The following NPAS3 variants were observed in gnomAD, a reference collection of about 807,000 sequenced individuals.
NPAS3 encodes neuronal PAS domain-containing protein 3.
Under a neutral mutation model 73.1 loss-of-function variants are expected in NPAS3, and 14 were observed. That is an observed-to-expected ratio of 0.19 (90% CI 0.13 to 0.30). The LOEUF (loss-of-function observed/expected upper bound fraction) is 0.30, where lower values mean the gene tolerates loss of function less well. Among genes scored for constraint, NPAS3 ranks in the 10% least tolerant of loss-of-function variants. NPAS3 has a pLI of 1.00. For missense variants in NPAS3, 1,096 were observed against 1,250.0 expected (o/e 0.88, Z 1.86); for synonymous variants, 620 against 541.5 (o/e 1.14, Z -2.01).
intron 6 of NPAS3, among the ~76,000 whole-genome samples, chr14:33,687,952 C>A (rs1273385190): frequency 6.6e-6 from 1 of 152,208 alleles, no homozygotes; most frequent in Non-Finnish European, 1.5e-5. Context: ...CTAGGTAAAT[C>A]TATGTATCAG....
intron 2 of NPAS3, among the ~76,000 whole-genome samples, chr14:33,111,810 C>A (rs1441660320): frequency 3.3e-5 from 5 of 150,672 alleles, no homozygotes; most frequent in Non-Finnish European, 5.9e-5. Context: ...ATCCCTCCCC[C>A]CTCCCCCTTG....
intron 3 of NPAS3, among the ~76,000 whole-genome samples, chr14:33,267,375 G>A (rs990854796): frequency 1.2e-4 from 18 of 152,144 alleles, no homozygotes; most frequent in African/African-American, 4.3e-4. Context: ...TGAGGTAGCA[G>A]CACCAGCATT....
At chr14:33,526,086 T>C (rs563079804) in intron 4 of NPAS3, among the ~76,000 whole-genome samples, 1 of 152,248 alleles carries the variant, frequency 6.6e-6, no homozygotes, top group African/African-American at 2.4e-5. Flanking sequence ...GGCAAACAAT[T>C]TGACGTAATT....
At chr14:33,054,530 T>C (rs1566509244) in intron 1 of NPAS3, among the ~76,000 whole-genome samples, 1 of 152,102 alleles carries the variant, frequency 6.6e-6, no homozygotes, top group South Asian at 2.1e-4. Context: ...TTTGAAAGTA[T>C]TGTCACTTAA....
At chr14:32,944,570 C>G (rs946914830) in intron 1 of NPAS3, among the ~76,000 whole-genome samples, 8 of 152,058 alleles carry the variant, frequency 5.3e-5, no homozygotes, top group African/African-American at 1.9e-4. Flanking sequence ...TTTTTTCCCC[C>G]CTCATTGGTC....
chr14:33,212,092 A>G (rs969604062), intron 2 of NPAS3, among the ~76,000 whole-genome samples: 10 of 152,238 alleles, frequency 6.6e-5, no homozygotes, highest in African/African-American at 2.4e-4. Context: ...TCTTAATTCA[A>G]TGTGAGGATT....
intron 2 of NPAS3, among the ~76,000 whole-genome samples, chr14:33,147,457 C>G (rs2044273178): frequency 6.6e-6 from 1 of 151,586 alleles, no homozygotes; most frequent in South Asian, 2.1e-4. Flanking sequence ...AATAGTAAAC[C>G]ACAAATAGCC....
chr14:33,422,867 G>C (rs1293074081), intron 4 of NPAS3, among the ~76,000 whole-genome samples: 1 of 151,958 alleles, frequency 6.6e-6, no homozygotes, highest in Non-Finnish European at 1.5e-5. Flanking sequence ...CAGATGTATG[G>C]AGAGAAATGG....
intron 4 of NPAS3, among the ~76,000 whole-genome samples, chr14:33,425,190 G>A (rs552194478): frequency 1.6e-4 from 24 of 151,946 alleles, no homozygotes; most frequent in Non-Finnish European, 3.1e-4. Context: ...AAACATTTTT[G>A]GTGGAATGAA....
chr14:33,165,344 C>T (rs1354105299), intron 2 of NPAS3, among the ~76,000 whole-genome samples: 3 of 151,124 alleles, frequency 2.0e-5, no homozygotes, highest in South Asian at 2.1e-4. Context: ...AGGCTATCCT[C>T]GTATTATCAT....
chr14:32,972,597 AT>A (rs1295852384), intron 1 of NPAS3, among the ~76,000 whole-genome samples: 1 of 152,178 alleles, frequency 6.6e-6, no homozygotes, highest in Non-Finnish European at 1.5e-5. Context: ...AAAATGACCC[AT>A]GCTGAATCCA....
Position 33,647,569 on chromosome 14 carries a change from T to A in NPAS3, c.559-28642T>A, listed in dbSNP as rs60892865. ...CTCATTAACACCAATTGTTTCACCT[T>A]GAACCAATTTGATTTTAAATGCATG... On this transcript the variant is annotated intron_variant, in intron 5 of 11. Coordinates refer to ENST00000356141, the Ensembl canonical transcript of NPAS3. Among the ~76,000 whole-genome samples, 356 of 152,270 alleles carry A rather than the reference T, an allele frequency of 2.3e-3. 7 individuals carry two copies. In the East Asian group the frequency reaches 0.057, roughly 24 times the overall value.
chr14:33,623,842 T>C (rs1341879217), intron 5 of NPAS3, among the ~76,000 whole-genome samples: 1 of 152,222 alleles, frequency 6.6e-6, no homozygotes, highest in African/African-American at 2.4e-5. Flanking sequence ...TGTTCTTTAC[T>C]TGACTATCTG....
chr14:33,248,465 C>T (rs1198343850), intron 3 of NPAS3, among the ~76,000 whole-genome samples: 3 of 152,034 alleles, frequency 2.0e-5, no homozygotes, highest in Non-Finnish European at 4.4e-5. Flanking sequence ...CTTCTAATTC[C>T]CCATTCAGTA....
At chr14:33,613,771 A>C (rs2057826578) in intron 5 of NPAS3, among the ~76,000 whole-genome samples, 1 of 151,700 alleles carries the variant, frequency 6.6e-6, no homozygotes, top group Non-Finnish European at 1.5e-5. Flanking sequence ...CCAATCTACA[A>C]CTTCCAATTA....
chr14:33,521,964 T>C (rs1177799784), intron 4 of NPAS3, among the ~76,000 whole-genome samples: 1 of 152,202 alleles, frequency 6.6e-6, no homozygotes, highest in Non-Finnish European at 1.5e-5. Context: ...GATTAATTTG[T>C]AATAAATCTA....
intron 7 of NPAS3, among the ~76,000 whole-genome samples, chr14:33,772,031 C>A (rs2062670503): frequency 6.6e-6 from 1 of 152,142 alleles, no homozygotes; most frequent in Non-Finnish European, 1.5e-5. Flanking sequence ...CGAAGATAGA[C>A]CCTCCCAAAT....
At chr14:33,491,341 A>G (rs1306779521) in intron 4 of NPAS3, among the ~76,000 whole-genome samples, 2 of 152,072 alleles carry the variant, frequency 1.3e-5, no homozygotes, top group Non-Finnish European at 2.9e-5. Flanking sequence ...AGATTCAGAC[A>G]CAGTCTTCTA....
At chr14:33,470,479 T>C (rs2050732366) in intron 4 of NPAS3, among the ~76,000 whole-genome samples, 1 of 152,112 alleles carries the variant, frequency 6.6e-6, no homozygotes. Flanking sequence ...GAAATAACTG[T>C]CCAAAGAATC....
Sources: allele counts gnomAD v4.1 joint callset (sites outside exome capture counted in the v4.1 genomes callset), GRCh38; gene constraint gnomAD v4.1.1; transcripts MANE v1.5; gene names NCBI Gene and HGNC (gene_info 2026-07-23, HGNC 2026-07-21).